The following DGKI variants were observed in gnomAD, a reference collection of about 807,000 sequenced individuals.
DGKI encodes the protein DAG kinase iota.
DGKI carries 55 observed loss-of-function variants against 147.5 expected under a neutral mutation model. That is an observed-to-expected ratio of 0.37 (90% confidence interval 0.30 to 0.47). DGKI has a LOEUF of 0.47. Ranked by LOEUF, DGKI falls within the 20% of genes least tolerant of loss-of-function variation. The pLI, the probability that DGKI is intolerant of heterozygous loss-of-function variation, is 1.00. For missense variants in DGKI, 1,007 were observed against 1,323.8 expected, an observed-to-expected ratio of 0.76 and a Z score of 3.71; for synonymous variants, 469 against 477.1, an observed-to-expected ratio of 0.98 and a Z score of 0.22.
At chr7:137,831,931 G>A (rs1019828714) in intron 1 of DGKI, among the ~76,000 whole-genome samples, 1 of 152,200 alleles carries the variant, frequency 6.6e-6, no homozygotes, top group South Asian at 2.1e-4. Flanking sequence ...AAAACAGAGG[G>A]GCAACAGGCC....
chr7:137,466,086 C>A lies in DGKI; in HGVS notation c.2485-51G>T, dbSNP rs781550260. ...CATGAAGAATAACAAAACAAGTATT[C>A]TTGGTCTCGAGGAATAATGAAATTC... On this transcript the variant is annotated intron_variant, in intron 25 of 32. Coordinates refer to ENST00000614521, the MANE Select transcript of DGKI (RefSeq NM_001321708.2). The A allele has an allele frequency of 4.4e-6, 7 of 1,599,118 alleles. No homozygotes were observed. The East Asian group carries it at 1.3e-4, about 31-fold the overall frequency.
intron 19 of DGKI, among the ~76,000 whole-genome samples, chr7:137,553,718 A>G (rs1563082185): frequency 1.3e-5 from 2 of 152,222 alleles, no homozygotes; most frequent in South Asian, 2.1e-4. Flanking sequence ...TGGAAAATGT[A>G]TAACACCCAG....
chr7:137,777,069 T>A (rs1192352986), intron 1 of DGKI, among the ~76,000 whole-genome samples: 1 of 151,974 alleles, frequency 6.6e-6, no homozygotes, highest in Non-Finnish European at 1.5e-5. Context: ...GGCACATGCC[T>A]GTAGTCCTAG....
chr7:137,673,283 G>A (rs1415376442), intron 3 of DGKI, among the ~76,000 whole-genome samples: 1 of 152,126 alleles, frequency 6.6e-6, no homozygotes, highest in Non-Finnish European at 1.5e-5. Flanking sequence ...CTACACACCA[G>A]GTGTGAGAAC....
rs189484900 is a variant in DGKI, at chr7:137,601,781, A to C, written c.1168-1876T>G. Among the ~76,000 whole-genome samples, 21 of 152,332 alleles carry C rather than the reference A, an allele frequency of 1.4e-4. No individual in the cohort carries two copies. The East Asian group carries it at 3.7e-3, about 27-fold the overall frequency. On this transcript the variant is annotated intron_variant, in intron 10 of 32. Transcript: ENST00000614521. ...GAATGTGAGCTCTAAAGTATAGCTTATAATTATCACATTGTTACTCCTGTT... is the reference window on the plus strand; with the variant it reads ...GAATGTGAGCTCTAAAGTATAGCTTCTAATTATCACATTGTTACTCCTGTT...
chr7:137,614,764 C>A (rs376384957), intron 8 of DGKI, among the ~76,000 whole-genome samples: 34 of 152,206 alleles, frequency 2.2e-4, no homozygotes, highest in African/African-American at 7.2e-4. Context: ...ATGAAATATG[C>A]GGTTTAATTC....
At chr7:137,474,070 A>G (rs76676071) in intron 23 of DGKI, among the ~76,000 whole-genome samples, 1,915 of 152,328 alleles carry the variant, frequency 0.013, 10 homozygotes, top group Non-Finnish European at 0.019. Flanking sequence ...TCCTTTAAGA[A>G]GAAGTGAGTT....
intron 1 of DGKI, among the ~76,000 whole-genome samples, chr7:137,834,020 C>G (rs187828004): frequency 6.6e-6 from 1 of 152,202 alleles, no homozygotes; most frequent in Non-Finnish European, 1.5e-5. Flanking sequence ...ACTTCATTAT[C>G]CTGTGCCTCA....
chr7:137,604,377 T>C (rs1265871371), intron 10 of DGKI, among the ~76,000 whole-genome samples: 1 of 152,160 alleles, frequency 6.6e-6, no homozygotes, highest in African/African-American at 2.4e-5. Flanking sequence ...TAGAAACAGT[T>C]TTGGGACTCA....
intron 20 of DGKI, among the ~76,000 whole-genome samples, chr7:137,537,955 G>C (rs1407148371): frequency 6.6e-6 from 1 of 152,164 alleles, no homozygotes; most frequent in African/African-American, 2.4e-5. Context: ...CACAAATCAA[G>C]TCTTATTTTC....
intron 19 of DGKI, among the ~76,000 whole-genome samples, chr7:137,554,127 T>C (rs1234135992): frequency 6.6e-6 from 1 of 152,228 alleles, no homozygotes; most frequent in Non-Finnish European, 1.5e-5. Context: ...CAATCCAAGA[T>C]GGTTGCACAG....
At chr7:137,816,829 A>C (rs1251867188) in intron 1 of DGKI, among the ~76,000 whole-genome samples, 1 of 152,196 alleles carries the variant, frequency 6.6e-6, no homozygotes, top group Non-Finnish European at 1.5e-5. Flanking sequence ...TGCAATCCAA[A>C]TGTAAAAAGA....
chr7:137,519,072 A>C (rs1455758241), intron 21 of DGKI, among the ~76,000 whole-genome samples: 2 of 152,054 alleles, frequency 1.3e-5, no homozygotes, highest in African/African-American at 4.8e-5. Context: ...GTCTTACATA[A>C]GTCTGAAATT....
rs1823118037 is a variant in DGKI, at chr7:137,678,545, G to A, written c.606+12C>T. ...ACAGGCCTTCCCCCAGCAAGACGGA[G>A]CGCACACTCACTGCAAATCTGACTT... On this transcript the variant is annotated intron_variant, in intron 3 of 32. Coordinates refer to ENST00000614521, the MANE Select transcript of DGKI (RefSeq NM_001321708.2). The A allele has an allele frequency of 5.0e-6, 8 of 1,613,382 alleles. No individual in the cohort carries two copies. Among genetic ancestry groups the A allele is most frequent in the Admixed American group, 1.7e-5 (1 of 59,988 alleles).
At chr7:137,466,794 T>G in intron 25 of DGKI, 108 bp downstream of exon 25, 1 of 1,117,674 alleles carries the variant, frequency 8.9e-7, no homozygotes, top group South Asian at 1.3e-5. Flanking sequence ...CATTCCAAAA[T>G]TTGTGTCTCA....
At chr7:137,667,094 T>C (rs868669064) in intron 3 of DGKI, among the ~76,000 whole-genome samples, 3 of 152,154 alleles carry the variant, frequency 2.0e-5, no homozygotes, top group African/African-American at 2.4e-5. Context: ...GTTTTGTGGC[T>C]GTTCCTTGTC....
At chr7:137,392,114 A>T (rs1811386890) in intron 32 of DGKI, among the ~76,000 whole-genome samples, 2 of 152,192 alleles carry the variant, frequency 1.3e-5, no homozygotes, top group South Asian at 2.1e-4. Context: ...AACCTTTCTT[A>T]GTAATATATC....
intron 1 of DGKI, among the ~76,000 whole-genome samples, chr7:137,795,095 T>C (rs183655733): frequency 6.6e-6 from 1 of 152,144 alleles, no homozygotes; most frequent in African/African-American, 2.4e-5. Flanking sequence ...CCTGAAAGTA[T>C]GAGAGCAGTT....
intron 30 of DGKI, among the ~76,000 whole-genome samples, chr7:137,398,843 T>C (rs937162576): frequency 4.6e-5 from 7 of 151,960 alleles, no homozygotes; most frequent in Admixed American, 3.9e-4. Context: ...ATTATTAGCA[T>C]GCAGAAGTAG....
Sources: gnomAD v4.1 joint callset for allele counts (sites outside exome capture counted in the v4.1 genomes callset) on GRCh38, gnomAD v4.1.1 for gene constraint, MANE v1.5 for transcripts, NCBI Gene and HGNC (gene_info 2026-07-23, HGNC 2026-07-21) for gene names.